The following CCDC180 variants were observed in gnomAD, a reference collection of about 807,000 sequenced individuals.
The protein encoded by CCDC180 is coiled-coil domain-containing protein 180.
Under a neutral mutation model 209.2 loss-of-function variants are expected in CCDC180, and 154 were observed. That is an observed-to-expected ratio of 0.74 (90% CI 0.65 to 0.84). CCDC180 has a LOEUF of 0.84. Ranked by LOEUF, CCDC180 falls within the 40% of genes least tolerant of loss-of-function variation. CCDC180 has a pLI of 0.00. For synonymous variants in CCDC180, 778 were observed against 749.1 expected (o/e 1.04, Z -0.63); for missense variants, 1,874 against 1,997.3 (o/e 0.94, Z 1.18).
In CCDC180 at chr9:97,361,381, AAGT is replaced by A. The variant is rs558907828; in HGVS notation, c.3484-344_3484-342del. On this transcript the variant is annotated intron_variant, in intron 26 of 36. Transcript: ENST00000529487. ...GTTTTGGAGAAGCATTTATTGGTAT[AAGT>A]GCAAGTTAAATGTCTGTCTTTTCTG... Among the ~76,000 whole-genome samples the A allele has an allele frequency of 3.3e-5, 5 of 152,354 alleles. No individual in the cohort carries two copies. In the East Asian group the frequency reaches 9.6e-4, roughly 29 times the overall value.
In CCDC180 at chr9:97,361,831, C is replaced by T. The variant is rs768786364; in HGVS notation, c.3589C>T (p.Gln1197Ter). 111 of 1,614,090 alleles carry T rather than the reference C, an allele frequency of 6.9e-5. No homozygotes were observed. Among genetic ancestry groups the T allele is most frequent in the Non-Finnish European group, 8.2e-5 (97 of 1,180,034 alleles). ...CGTGGTCACCCCTGAGTCCTTCACC[C>T]AGCTGAGCCGCGTGGGGAAGCCCCT... ...LDVVTPESFT[Q>*]LSRVGKPLIE... The change falls in exon 27 of 37, where the codon CAG becomes TAG. Residue 1197 changes from glutamine to a stop codon, truncating the protein, a stop_gained. Transcript: ENST00000529487. LOFTEE classifies it high-confidence loss of function.
Position 97,356,264 on chromosome 9 carries a change from CCGAGG to C in CCDC180, c.3264+1257_3264+1261del, listed in dbSNP as rs879316863. Among the ~76,000 whole-genome samples the C allele has an allele frequency of 1.3e-3, 201 of 152,204 alleles. 1 individual carries two copies. The highest frequency in any genetic ancestry group is 6.8e-3 in the Middle Eastern group (2 of 294). Reference sequence around the variant, plus strand: ...GAGGGCCCACTAGGACTAGGACAAGCCGAGGTGAGGACAGACTTGTCTTTTGGGAG... The same window carrying C: ...GAGGGCCCACTAGGACTAGGACAAGCTGAGGACAGACTTGTCTTTTGGGAG... On this transcript the variant is annotated intron_variant, in intron 24 of 36. Coordinates refer to ENST00000529487, the MANE Select transcript of CCDC180 (RefSeq NM_020893.6).
chr9:97,343,262 A>C, intron 18 of CCDC180, 78 bp from the exon 19 acceptor site: 1 of 974,056 alleles, frequency 1.0e-6, no homozygotes, highest in East Asian at 2.5e-5. Context: ...ACAACCTCTG[A>C]TATCAAGGAA....
rs750533588 is a variant in CCDC180 at position 97,330,744 on chromosome 9, C to G, written c.2251C>G (p.Gln751Glu). The G allele has an allele frequency of 2.5e-6, 4 of 1,600,648 alleles. No individual in the cohort carries two copies. The African/African-American group carries it at 5.3e-5, about 21-fold the overall frequency. Residue 751 changes from glutamine (Q) to glutamate (E), a missense_variant, in exon 18 of 37, where the codon CAA becomes GAA. Coordinates refer to ENST00000529487, the MANE Select transcript of CCDC180 (RefSeq NM_020893.6). ...GGAGGAGAAGGAGGCACAGGAAGAG[C>G]AAGAGAGTTTATCTGTGGGTGAGGT... Reference protein sequence around the residue: ...EKEEKEAQEEQESLSVGEEED... With the variant: ...EKEEKEAQEEEESLSVGEEED...
intron 22 of CCDC180, among the ~76,000 whole-genome samples, chr9:97,351,252 G>A (rs1238844964): frequency 1.3e-5 from 2 of 152,102 alleles, no homozygotes; most frequent in African/African-American, 4.8e-5. Context: ...CAGCAGCTGC[G>A]CCATGTTCAT....
At chr9:97,373,126 C>CA (rs1176685854) in intron 34 of CCDC180, 1 of 152,180 alleles carries the variant, frequency 6.6e-6, no homozygotes, top group African/African-American at 2.4e-5. Context: ...AGACAGGTAC[C>CA]AAACTGCTGA....
At chr9:97,362,588 GA>G in intron 28 of CCDC180, 147 bp downstream of exon 28, 1 of 1,208,742 alleles carries the variant, frequency 8.3e-7, no homozygotes, top group Non-Finnish European at 1.1e-6. Context: ...AGTGAGGGGT[GA>G]GCGCCATCCT....
chr9:97,314,697 T>C lies in CCDC180; in HGVS notation c.668T>C (p.Leu223Pro). The change falls in exon 7 of 37, where the codon CTG becomes CCG. Residue 223 changes from leucine to proline, a missense_variant. Leu to Pro is a moderately conservative substitution (Grantham distance 98). Transcript: ENST00000529487. ...KQEIKELDEA[L>P]HSLEFSRTDK... ...GAGATTAAGGAGCTGGATGAGGCCCTGCACTCGCTGGAGTTCTCCCGAACC... is the reference window on the plus strand; with the variant it reads ...GAGATTAAGGAGCTGGATGAGGCCCCGCACTCGCTGGAGTTCTCCCGAACC... 1.9e-6 allele frequency: 3 copies of C among 1,613,972 alleles called. No homozygotes were observed. Among genetic ancestry groups the C allele is most frequent in the Non-Finnish European group, 8.5e-7 (1 of 1,179,984 alleles).
intron 26 of CCDC180, among the ~76,000 whole-genome samples, chr9:97,361,419 C>T (rs1826748233): frequency 6.6e-6 from 1 of 152,226 alleles, no homozygotes; most frequent in African/African-American, 2.4e-5. Context: ...GACTAAACCA[C>T]AAGCTCTGAG....
chr9:97,377,832 A>C lies in CCDC180; in HGVS notation c.*938A>C, dbSNP rs1218170715. ...CCCAATGTGCTACCTTTCATTGCTT[A>C]TTATTCCGAAAGGAATATATGCGCA... On this transcript the variant is annotated 3_prime_UTR_variant, in exon 37 of 37. Coordinates refer to ENST00000529487, the MANE Select transcript of CCDC180 (RefSeq NM_020893.6). The C allele has an allele frequency of 8.4e-6, 1 of 119,724 alleles. No homozygotes were observed. The highest frequency in any genetic ancestry group is 2.4e-4 in the East Asian group (1 of 4,172). 7.4% of individuals were successfully genotyped at this position (119,724 alleles called of 1,614,324 possible).
At chr9:97,309,901 GA>G (rs1025913387) in intron 3 of CCDC180, among the ~76,000 whole-genome samples, 7 of 152,308 alleles carry the variant, frequency 4.6e-5, no homozygotes, top group African/African-American at 1.4e-4. Context: ...CCCAATGGCA[GA>G]AAAGCTCTGA....
chr9:97,371,618 G>A lies in CCDC180; in HGVS notation c.4512G>A (p.Gln1504=). 3 of 1,606,788 alleles carry A rather than the reference G, an allele frequency of 1.9e-6. No individual in the cohort carries two copies. The highest frequency in any genetic ancestry group is 2.6e-6 in the Non-Finnish European group (3 of 1,174,012). The change falls in exon 34 of 37, where the codon CAG becomes CAA. Residue 1504 remains glutamine (Q), a synonymous_variant. Transcript: ENST00000529487. ...KLEECTRRNG[Q]VFITNLATFT... ...AGGAATGTACCAGAAGGAATGGCCA[G>A]GTTTTCATAACCAACTTGGCCACCT...
intron 18 of CCDC180, among the ~76,000 whole-genome samples, chr9:97,340,774 C>A (rs765764252): frequency 6.6e-6 from 1 of 152,166 alleles, no homozygotes; most frequent in African/African-American, 2.4e-5. Context: ...GGACAACACC[C>A]GCTACTTAGC....
chr9:97,374,655 A>C lies in CCDC180; in HGVS notation c.4706+7A>C, dbSNP rs1715052105. The C allele has an allele frequency of 6.2e-7, 1 of 1,609,922 alleles. No homozygotes were observed. ...TGATTGAACGTGGAAGCAGGTGAGA[A>C]CCAAGAGCAGCAAGGACTACTGTAA... On this transcript the variant is annotated splice_region_variant and intron_variant, in intron 35 of 36. Transcript: ENST00000529487.
chr9:97,325,848 C>T (rs1833513069), intron 14 of CCDC180, among the ~76,000 whole-genome samples: 1 of 152,214 alleles, frequency 6.6e-6, no homozygotes, highest in African/African-American at 2.4e-5. Flanking sequence ...AAACCTGCCT[C>T]AGCCTAAGCT....
intron 33 of CCDC180, 121 bp from the exon 34 acceptor site, chr9:97,371,474 A>C: frequency 1.8e-6 from 1 of 541,894 alleles, no homozygotes. Flanking sequence ...TTACTTGGAC[A>C]CAGTGGATAT....
intron 9 of CCDC180, among the ~76,000 whole-genome samples, chr9:97,317,898 A>G (rs1050645935): frequency 6.6e-6 from 1 of 152,224 alleles, no homozygotes; most frequent in African/African-American, 2.4e-5. Context: ...CAGATACTGC[A>G]TGGAAAGTGC....
In CCDC180 at chr9:97,361,772, C is replaced by T. The variant is rs1424747953; in HGVS notation, c.3530C>T (p.Ser1177Phe). 2 of 1,614,082 alleles carry T rather than the reference C, an allele frequency of 1.2e-6. No individual in the cohort carries two copies. The highest frequency in any genetic ancestry group is 8.5e-7 in the Non-Finnish European group (1 of 1,180,048). The change falls in exon 27 of 37, where the codon TCT becomes TTT. Residue 1177 changes from serine to phenylalanine, a missense_variant. Ser to Phe is a radical substitution (Grantham distance 155). Coordinates refer to ENST00000529487, the MANE Select transcript of CCDC180 (RefSeq NM_020893.6). Reference sequence around the variant, plus strand: ...GAGGAAGACAGTGACATCCTGACATCTTCAGAAGCCCTTGAAGAGGAGGCC... The same window carrying T: ...GAGGAAGACAGTGACATCCTGACATTTTCAGAAGCCCTTGAAGAGGAGGCC... ...DQEEDSDILT[S>F]SEALEEEAKL... is the part of the protein sequence containing the mutation.
At chr9:97,347,608 C>A in intron 20 of CCDC180, 119 bp downstream of exon 20, 1 of 946,316 alleles carries the variant, frequency 1.1e-6, no homozygotes, top group Non-Finnish European at 1.5e-6. Context: ...TTAGCATGTT[C>A]TCATCACACC....
Sources: allele counts gnomAD v4.1 joint callset (sites outside exome capture counted in the v4.1 genomes callset), GRCh38; gene constraint gnomAD v4.1.1; transcripts MANE v1.5; gene names NCBI Gene and HGNC (gene_info 2026-07-23, HGNC 2026-07-21).